MED12L: variants seen among roughly 807,000 people sequenced by gnomAD.
The protein encoded by MED12L is mediator complex subunit 12L.
In MED12L, 60 loss-of-function variants were observed where a neutral mutation model predicts 281.3. The ratio of observed to expected loss-of-function variants is 0.21; its 90% CI spans 0.17 to 0.26. The LOEUF (loss-of-function observed/expected upper bound fraction) is 0.26, where lower values mean the gene tolerates loss of function less well. Ranked by LOEUF, MED12L falls within the 10% of genes least tolerant of loss-of-function variation. The probability of loss-of-function intolerance (pLI) is 1.00; values close to 1 mark genes in which losing one functional copy is unlikely to be tolerated. For missense variants in MED12L, 2,146 were observed against 2,680.9 expected (o/e 0.80, Z 4.41); for synonymous variants, 974 against 987.2 (o/e 0.99, Z 0.25).
chr3:151,291,573 A>G (rs565159480), intron 16 of MED12L, among the ~76,000 whole-genome samples: 4 of 152,302 alleles, frequency 2.6e-5, no homozygotes, highest in African/African-American at 9.6e-5. Context: ...AGATTCTGAA[A>G]TACTGAATGT....
chr3:151,382,742 T>G lies in MED12L; in HGVS notation c.4677T>G (p.Asn1559Lys). The G allele has an allele frequency of 6.2e-7, 1 of 1,607,966 alleles. No homozygotes were observed. The highest frequency in any genetic ancestry group is 8.5e-7 in the Non-Finnish European group (1 of 1,176,736). The change falls in exon 33 of 45, where the codon AAT becomes AAG. Residue 1559 changes from asparagine to lysine, a missense_variant. Coordinates refer to ENST00000687756, the MANE Select transcript of MED12L (RefSeq NM_001393769.1). ...MMHEALQLRLNLVGGMFDTVQ... is the reference protein window; with the variant it reads ...MMHEALQLRLKLVGGMFDTVQ... ...ACGAAGCATTGCAACTCCGCCTAAA[T>G]TTGGTAAGTGACATTTCTAGTATTT...
At chr3:151,299,354 TTC>T (rs1350306944) in intron 16 of MED12L, among the ~76,000 whole-genome samples, 10 of 138,350 alleles carry the variant, frequency 7.2e-5, no homozygotes, top group African/African-American at 2.8e-4. Context: ...CCTTCCTTCC[TTC>T]TTTCTTTTCT....
rs539282576 is a variant in MED12L, at chr3:151,341,819, T to C, written c.2251-8240T>C. Among the ~76,000 whole-genome samples, 276 of 149,568 alleles carry C rather than the reference T, an allele frequency of 1.8e-3. 1 individual carries two copies. The highest frequency in any genetic ancestry group is 3.1e-3 in the Non-Finnish European group (207 of 67,628). On this transcript the variant is annotated intron_variant, in intron 16 of 44. Coordinates refer to ENST00000687756, the MANE Select transcript of MED12L (RefSeq NM_001393769.1). ...TTCAGTTCCCACCTATGAGTGAGAA[T>C]ATGTGGTGTTTGGTTTTTTGTTCTT...
intron 11 of MED12L, among the ~76,000 whole-genome samples, chr3:151,183,756 G>A (rs1722962651): frequency 6.6e-6 from 1 of 152,144 alleles, no homozygotes; most frequent in Non-Finnish European, 1.5e-5. Context: ...GGGAAAAGAA[G>A]TTTTTAAATT....
At chr3:151,266,505 T>C (rs192622185) in intron 16 of MED12L, among the ~76,000 whole-genome samples, 7 of 152,364 alleles carry the variant, frequency 4.6e-5, no homozygotes, top group Admixed American at 4.6e-4. Context: ...AGTTGTATAA[T>C]AGTGCAGTCC....
intron 11 of MED12L, among the ~76,000 whole-genome samples, chr3:151,179,347 C>T (rs577913211): frequency 2.0e-5 from 3 of 151,896 alleles, no homozygotes; most frequent in East Asian, 1.9e-4. Context: ...AAAAAAAGGG[C>T]GGGGGGTTAA....
intron 17 of MED12L, among the ~76,000 whole-genome samples, chr3:151,352,586 G>C (rs902811729): frequency 6.6e-6 from 1 of 152,152 alleles, no homozygotes; most frequent in Non-Finnish European, 1.5e-5. Flanking sequence ...AACAGACCTT[G>C]TGTTAGCATG....
At chr3:151,350,237 G>A (rs780539753) in intron 17 of MED12L, 31 bp downstream of exon 17, 3 of 1,605,506 alleles carry the variant, frequency 1.9e-6, no homozygotes, top group Admixed American at 3.4e-5. Context: ...TGCTCCCATT[G>A]TGTTGCCTTT....
intron 21 of MED12L, among the ~76,000 whole-genome samples, chr3:151,361,120 C>A (rs1327726842): frequency 1.3e-5 from 2 of 152,048 alleles, no homozygotes; most frequent in Admixed American, 6.6e-5. Context: ...CTTGGATTAG[C>A]TTTAATATCC....
At chr3:151,271,814 C>T (rs943823787) in intron 16 of MED12L, among the ~76,000 whole-genome samples, 1 of 152,108 alleles carries the variant, frequency 6.6e-6, no homozygotes, top group Non-Finnish European at 1.5e-5. Context: ...AGTTCTAATA[C>T]TGGTAGAACT....
intron 44 of MED12L, among the ~76,000 whole-genome samples, chr3:151,432,028 G>T (rs991369690): frequency 6.6e-6 from 1 of 152,212 alleles, no homozygotes; most frequent in Non-Finnish European, 1.5e-5. Context: ...CTGATAAGCA[G>T]TTATGCCACA....
intron 16 of MED12L, chr3:151,294,996 CTA>C (rs1744886020): frequency 6.2e-7 from 1 of 1,613,704 alleles, no homozygotes; most frequent in Non-Finnish European, 8.5e-7. Flanking sequence ...TCTGCAACCA[CTA>C]TGTTTTTGAG....
rs564763599 is a variant in MED12L at position 151,385,308 on chromosome 3, C to T, written c.5088+117C>T. On this transcript the variant is annotated intron_variant, in intron 36 of 44. Transcript: ENST00000687756. ...AATTTTGCTGTTGATGTTTTTAAGG[C>T]ATATGCTTGTCTTCTAAGTGTACTT... The T allele has an allele frequency of 4.5e-5, 27 of 597,626 alleles. No homozygotes were observed. In the South Asian group the frequency reaches 7.4e-4, roughly 16 times the overall value. 37.0% of individuals were successfully genotyped at this position (597,626 alleles called of 1,614,324 possible).
At chr3:151,257,886 T>C (rs1459291206) in intron 16 of MED12L, among the ~76,000 whole-genome samples, 1 of 152,230 alleles carries the variant, frequency 6.6e-6, no homozygotes, top group Non-Finnish European at 1.5e-5. Context: ...CTCTCCCTAC[T>C]ACAGCCTTTG....
chr3:151,347,814 T>A (rs1475337636), intron 16 of MED12L, among the ~76,000 whole-genome samples: 1 of 152,186 alleles, frequency 6.6e-6, no homozygotes, highest in Non-Finnish European at 1.5e-5. Flanking sequence ...AAGGAAGCGA[T>A]GTTACCCCAT....
chr3:151,135,180 C>T (rs186865043), intron 5 of MED12L, among the ~76,000 whole-genome samples: 8 of 152,098 alleles, frequency 5.3e-5, no homozygotes, highest in Non-Finnish European at 1.2e-4. Flanking sequence ...CACCTGCCAT[C>T]GTGCTCCTCT....
At position 151,148,924 on chromosome 3, in the gene MED12L, C is replaced by G. The variant is rs1718096375; in HGVS notation, c.557-7237C>G. ...TATAGCCATTGATTAACAGGTGCTTCTATTTAGCTATATTAGAGACAGTGT... is the reference window on the plus strand; with the variant it reads ...TATAGCCATTGATTAACAGGTGCTTGTATTTAGCTATATTAGAGACAGTGT... On this transcript the variant is annotated intron_variant, in intron 5 of 44. Coordinates refer to ENST00000687756, the MANE Select transcript of MED12L (RefSeq NM_001393769.1). 3.3e-5 allele frequency among the ~76,000 whole-genome samples: 5 copies of G among 152,184 alleles called. No individual in the cohort carries two copies. The South Asian group carries it at 1.0e-3, about 32-fold the overall frequency.
intron 2 of MED12L, among the ~76,000 whole-genome samples, chr3:151,115,165 T>C (rs1449414497): frequency 6.6e-6 from 1 of 152,148 alleles, no homozygotes; most frequent in Non-Finnish European, 1.5e-5. Context: ...GTTGTGTGGC[T>C]GTAATCATAA....
intron 13 of MED12L, 117 bp downstream of exon 13, chr3:151,188,597 A>C: frequency 9.3e-7 from 1 of 1,075,702 alleles, no homozygotes; most frequent in Non-Finnish European, 1.3e-6. Context: ...AATATAATGT[A>C]TGTTTTACTG....
Sources: allele counts gnomAD v4.1 joint callset (sites outside exome capture counted in the v4.1 genomes callset), GRCh38; gene constraint gnomAD v4.1.1; transcripts MANE v1.5; gene names NCBI Gene and HGNC (gene_info 2026-07-23, HGNC 2026-07-21).